Variants in SLC2A13 observed in about 807,000 individuals in gnomAD.
The protein encoded by SLC2A13 is solute carrier family 2 member 13.
SLC2A13 carries 32 observed loss-of-function variants against 64.4 expected under a neutral mutation model. The ratio of observed to expected loss-of-function variants is 0.50; its 90% confidence interval spans 0.37 to 0.67. SLC2A13 has a LOEUF of 0.67. Among genes scored for constraint, SLC2A13 ranks in the 30% least tolerant of loss-of-function variants. The probability of loss-of-function intolerance (pLI) is 0.00; values close to 1 mark genes in which losing one functional copy is unlikely to be tolerated. For synonymous variants in SLC2A13, 338 were observed against 327.1 expected, an observed-to-expected ratio of 1.03 and a Z score of -0.36; for missense variants, 743 against 829.2, an observed-to-expected ratio of 0.90 and a Z score of 1.28.
At chr12:40,013,358 C>T (rs1486558356) in intron 3 of SLC2A13, among the ~76,000 whole-genome samples, 1 of 152,160 alleles carries the variant, frequency 6.6e-6, no homozygotes, top group Non-Finnish European at 1.5e-5. Context: ...TTATAATGTG[C>T]CAGGCACTGT....
chr12:39,969,791 C>T (rs931074626), intron 3 of SLC2A13, among the ~76,000 whole-genome samples: 3 of 152,180 alleles, frequency 2.0e-5, no homozygotes, highest in African/African-American at 7.2e-5. Context: ...TGTGCAGAAG[C>T]TCTTTAGTTT....
intron 6 of SLC2A13, among the ~76,000 whole-genome samples, chr12:39,838,850 GT>G (rs1243527680): frequency 6.6e-6 from 1 of 151,988 alleles, no homozygotes; most frequent in Non-Finnish European, 1.5e-5. Context: ...CGGTCCATTT[GT>G]TTTTAAGTAT....
At chr12:39,850,264 T>C (rs1222085097) in intron 6 of SLC2A13, among the ~76,000 whole-genome samples, 1 of 152,192 alleles carries the variant, frequency 6.6e-6, no homozygotes, top group Admixed American at 6.5e-5. Flanking sequence ...AGTTTTTCTA[T>C]TGTATTGATA....
In SLC2A13 at chr12:39,771,744, C is replaced by T. The variant is rs140849438; in HGVS notation, c.1446-6886G>A. Among the ~76,000 whole-genome samples the T allele has an allele frequency of 3.4e-3, 520 of 152,238 alleles. 1 individual carries two copies. Among genetic ancestry groups the T allele is most frequent in the Non-Finnish European group, 5.6e-3 (383 of 68,004 alleles). On this transcript the variant is annotated intron_variant, in intron 7 of 9. Transcript: ENST00000280871. ...CAAACTCATATGCCACCAAGTTAAG[C>T]GCCCTGACCACCTCACTGCTCAAAA...
chr12:39,896,279 CATGTATGTATATGTGTGTATATATGT>C lies in SLC2A13; in HGVS notation c.1035-24344_1035-24319del, dbSNP rs1161239104. 2.6e-4 allele frequency among the ~76,000 whole-genome samples: 21 copies of C among 79,970 alleles called. No homozygotes were observed. The East Asian group carries it at 7.9e-3, about 30-fold the overall frequency. 52.5% of individuals were successfully genotyped at this position (79,970 alleles called of 152,430 possible). A position where few individuals can be genotyped will look rare whatever the true frequency, so the allele number is the denominator to read the frequency against. ...ATGTATATGTGTGTATATATGTATA[CATGTATGTATATGTGTGTATATATGT>C]ATACATATATGTATGTATATGTGTA... is the stretch of plus-strand genomic sequence containing the variant. On this transcript the variant is annotated intron_variant, in intron 4 of 9. Coordinates refer to ENST00000280871, the MANE Select transcript of SLC2A13 (RefSeq NM_052885.4).
chr12:40,097,697 G>A (rs749705350), intron 1 of SLC2A13, among the ~76,000 whole-genome samples: 17 of 152,106 alleles, frequency 1.1e-4, no homozygotes, highest in Admixed American at 3.3e-4. Context: ...TATCCATTAG[G>A]ATGGCCACTG....
rs1944801524 is a variant in SLC2A13 at position 39,895,917 on chromosome 12, CATATATGTGTATATGTGTATAT to C, written c.1035-23978_1035-23957del. ...ATGCACACACATATGTATATGTATG[CATATATGTGTATATGTGTATAT>C]ATACATGCGTATATGTGTATATATA... On this transcript the variant is annotated intron_variant, in intron 4 of 9. Transcript: ENST00000280871. Among the ~76,000 whole-genome samples, 3 of 142,108 alleles carry C rather than the reference CATATATGTGTATATGTGTATAT, an allele frequency of 2.1e-5. No individual in the cohort carries two copies. In the East Asian group the frequency reaches 6.2e-4, roughly 29 times the overall value. The allele number at this position is 142,108 out of a possible 152,430, so 93.2% of individuals were successfully genotyped here. A position where few individuals can be genotyped will look rare whatever the true frequency, so the allele number is the denominator to read the frequency against.
intron 7 of SLC2A13, among the ~76,000 whole-genome samples, chr12:39,819,025 T>G (rs1329318745): frequency 6.6e-6 from 1 of 152,140 alleles, no homozygotes; most frequent in Non-Finnish European, 1.5e-5. Flanking sequence ...CTGTCAATCA[T>G]AGTTTTCAGA....
chr12:39,903,945 C>T (rs1945202818), intron 4 of SLC2A13, among the ~76,000 whole-genome samples: 1 of 152,056 alleles, frequency 6.6e-6, no homozygotes, highest in African/African-American at 2.4e-5. Context: ...TAAAGAACAA[C>T]AGACAGGATA....
chr12:39,896,534 ATGTATGTATGTG>A (rs1944911162), intron 4 of SLC2A13, among the ~76,000 whole-genome samples: 1 of 141,112 alleles, frequency 7.1e-6, no homozygotes, highest in African/African-American at 2.8e-5. Flanking sequence ...GTATACATGT[ATGTATGTATGTG>A]TGTATACATG....
Position 39,759,981 on chromosome 12 carries a change from T to TC in SLC2A13, c.*44dup, listed in dbSNP as rs753291932. On this transcript the variant is annotated 3_prime_UTR_variant, in exon 10 of 10. Transcript: ENST00000280871. ...GTGAAGTCACCAATTGCTGTTCTTC[T>TC]CCCCCCAGTTTGTTTAAATAACTAA... The TC allele has an allele frequency of 3.4e-6, 5 of 1,473,702 alleles. No homozygotes were observed. Among genetic ancestry groups the TC allele is most frequent in the South Asian group, 2.3e-5 (2 of 85,928 alleles). The allele number at this position is 1,473,702 out of a possible 1,614,324, so 91.3% of individuals were successfully genotyped here.
chr12:39,927,349 A>T (rs952448141), intron 4 of SLC2A13, among the ~76,000 whole-genome samples: 3 of 152,210 alleles, frequency 2.0e-5, no homozygotes, highest in Admixed American at 6.5e-5. Context: ...ATCAAAAACT[A>T]AACTGAAAAT....
At chr12:40,074,061 T>G (rs1938069587) in intron 1 of SLC2A13, among the ~76,000 whole-genome samples, 1 of 152,162 alleles carries the variant, frequency 6.6e-6, no homozygotes, top group Non-Finnish European at 1.5e-5. Context: ...TACTCCAGTA[T>G]TTTTTCACTT....
At chr12:39,841,337 A>G (rs1943171809) in intron 6 of SLC2A13, among the ~76,000 whole-genome samples, 1 of 152,112 alleles carries the variant, frequency 6.6e-6, no homozygotes, top group African/African-American at 2.4e-5. Context: ...AATCCTTTTA[A>G]TGAATTATTG....
chr12:39,814,235 C>T (rs10784079), intron 7 of SLC2A13, among the ~76,000 whole-genome samples: 106,424 of 152,010 alleles, frequency 0.7, 37,701 homozygotes, highest in African/African-American at 0.8. Context: ...TTTACCTCCC[C>T]AGGAAATGAG....
chr12:39,881,077 A>G (rs144162027), intron 4 of SLC2A13, among the ~76,000 whole-genome samples: 17 of 152,376 alleles, frequency 1.1e-4, no homozygotes, highest in African/African-American at 4.1e-4. Flanking sequence ...AATGTTACAT[A>G]AAGCAACAAA....
At chr12:40,098,968 G>A (rs932533094) in intron 1 of SLC2A13, among the ~76,000 whole-genome samples, 20 of 152,300 alleles carry the variant, frequency 1.3e-4, no homozygotes, top group Admixed American at 1.2e-3. Context: ...GCCATTGCTC[G>A]CTGGTGACCA....
chr12:39,910,753 G>T (rs894235545), intron 4 of SLC2A13, among the ~76,000 whole-genome samples: 1 of 152,024 alleles, frequency 6.6e-6, no homozygotes, highest in African/African-American at 2.4e-5. Context: ...AATTGGTTAG[G>T]CAAAGGGAGG....
At chr12:39,907,545 C>T (rs1945320220) in intron 4 of SLC2A13, 1 of 152,040 alleles carries the variant, frequency 6.6e-6, no homozygotes, top group Non-Finnish European at 1.5e-5. Flanking sequence ...ATAGAATCTG[C>T]CCATAATGTA....
Sources: allele counts gnomAD v4.1 joint callset (sites outside exome capture counted in the v4.1 genomes callset), GRCh38; gene constraint gnomAD v4.1.1; transcripts MANE v1.5; gene names NCBI Gene and HGNC (gene_info 2026-07-23, HGNC 2026-07-21).